The following ARHGAP29 variants were observed in gnomAD, a reference collection of about 807,000 sequenced individuals.
The protein encoded by ARHGAP29 is rho GTPase-activating protein 29.
A neutral mutation model predicts 122.6 loss-of-function variants in ARHGAP29; 43 were observed. The observed-to-expected ratio is 0.35, with a 90% CI of 0.27 to 0.45. The LOEUF (loss-of-function observed/expected upper bound fraction) is 0.45. ARHGAP29 is among the 20% of genes least tolerant of loss of function. The pLI, the probability that ARHGAP29 is intolerant of heterozygous loss-of-function variation, is 1.00. For missense variants in ARHGAP29, 1,303 were observed against 1,477.2 expected, an observed-to-expected ratio of 0.88 and a Z score of 1.93; for synonymous variants, 506 against 497.1, an observed-to-expected ratio of 1.02 and a Z score of -0.24.
Position 94,185,064 on chromosome 1 carries a change from C to A in ARHGAP29, c.1921-4G>T. On this transcript the variant is annotated splice_region_variant and splice_polypyrimidine_tract_variant and intron_variant, in intron 17 of 22. Transcript: ENST00000260526. ...TTCGATGACAAACAAGGAGACACTA[C>A]AAGAAAATGATAGTTTGAAACTGGT... The A allele has an allele frequency of 6.2e-7, 1 of 1,604,320 alleles. No individual in the cohort carries two copies. Among genetic ancestry groups the A allele is most frequent in the South Asian group, 1.1e-5 (1 of 89,246 alleles).
chr1:94,300,099 A>C, the ARHGAP29 span, among the ~76,000 whole-genome samples: 1 of 152,206 alleles, frequency 6.6e-6, no homozygotes, highest in Non-Finnish European at 1.5e-5. Context: ...GAGCTGTCTG[A>C]AGGCGGGCCC....
At chr1:94,215,507 A>T (rs1217268230) in intron 3 of ARHGAP29, among the ~76,000 whole-genome samples, 6 of 152,124 alleles carry the variant, frequency 3.9e-5, no homozygotes, top group Non-Finnish European at 8.8e-5. Context: ...AAGGTCCATA[A>T]ATAGATATAT....
intron 5 of ARHGAP29, among the ~76,000 whole-genome samples, chr1:94,206,641 A>C (rs193215231): frequency 6.6e-6 from 1 of 152,254 alleles, no homozygotes; most frequent in East Asian, 1.9e-4. Flanking sequence ...TGATACCTGT[A>C]ATCACAGAAC....
chr1:94,278,796 T>C (rs1486821304), upstream of ARHGAP29, among the ~76,000 whole-genome samples: 1 of 152,220 alleles, frequency 6.6e-6, no homozygotes, highest in East Asian at 1.9e-4. Context: ...AATTACTAAG[T>C]ATGCATGCCA....
chr1:94,203,441 T>C (rs1570532191), intron 8 of ARHGAP29, among the ~76,000 whole-genome samples: 2 of 152,242 alleles, frequency 1.3e-5, no homozygotes, highest in South Asian at 4.1e-4. Context: ...TTGTATAAAA[T>C]TGTAAATTTC....
upstream of ARHGAP29, among the ~76,000 whole-genome samples, chr1:94,241,654 CTT>C (rs1491199980): frequency 6.3e-5 from 8 of 127,560 alleles, no homozygotes; most frequent in South Asian, 7.5e-4. Flanking sequence ...ATATATATAT[CTT>C]ATATATATAA....
chr1:94,267,169 C>T (rs941921778), intron 1 of ARHGAP29, among the ~76,000 whole-genome samples: 1 of 152,178 alleles, frequency 6.6e-6, no homozygotes, highest in Non-Finnish European at 1.5e-5. Context: ...AAAGGAGTCT[C>T]AAAGTACTAT....
chr1:94,292,720 G>T, the ARHGAP29 span, among the ~76,000 whole-genome samples: 108 of 152,326 alleles, frequency 7.1e-4, no homozygotes, highest in Middle Eastern at 6.8e-3. Context: ...CCCCTCAGCT[G>T]CAGGTCTCTT....
At chr1:94,305,483 T>C in the ARHGAP29 span, among the ~76,000 whole-genome samples, 1 of 152,168 alleles carries the variant, frequency 6.6e-6, no homozygotes, top group Non-Finnish European at 1.5e-5. Context: ...GACCAGAACT[T>C]GAAGGAATTC....
the ARHGAP29 span, among the ~76,000 whole-genome samples, chr1:94,295,716 C>CTCCACACAACGTGGAATCTTCTAAT: frequency 1.1e-5 from 1 of 88,006 alleles, no homozygotes. Flanking sequence ...GGAATTCTAA[C>CTCCACACAACGTGGAATCTTCTAAT]TCCACACAAT....
intron 12 of ARHGAP29, among the ~76,000 whole-genome samples, chr1:94,197,613 AAGT>A (rs1650556663): frequency 6.6e-6 from 1 of 152,162 alleles, no homozygotes; most frequent in Non-Finnish European, 1.5e-5. Context: ...ATACTCAACA[AAGT>A]AGCAAATTGA....
chr1:94,295,680 T>C, the ARHGAP29 span, among the ~76,000 whole-genome samples: 1 of 151,950 alleles, frequency 6.6e-6, no homozygotes, highest in Non-Finnish European at 1.5e-5. Flanking sequence ...GCAGGAAACA[T>C]GAAATACTTA....
the ARHGAP29 span, among the ~76,000 whole-genome samples, chr1:94,311,260 G>A: frequency 2.0e-5 from 3 of 152,132 alleles, no homozygotes; most frequent in Non-Finnish European, 4.4e-5. Flanking sequence ...AGCTATTAAT[G>A]TCTTTCCTTC....
chr1:94,305,846 A>G, the ARHGAP29 span, among the ~76,000 whole-genome samples: 1 of 152,212 alleles, frequency 6.6e-6, no homozygotes, highest in Non-Finnish European at 1.5e-5. Context: ...TCAAAGTTCA[A>G]GGAATAAGTT....
intron 13 of ARHGAP29, 121 bp downstream of exon 13, chr1:94,189,805 A>T: frequency 1.1e-6 from 1 of 906,972 alleles, no homozygotes; most frequent in Non-Finnish European, 1.7e-6. Flanking sequence ...AATAATATTT[A>T]AAGAACTCAG....
At chr1:94,302,947 C>T in the ARHGAP29 span, 6 of 176,496 alleles carry the variant, frequency 3.4e-5, no homozygotes, top group South Asian at 6.5e-4. Context: ...TTGTCAGGCT[C>T]GTTTCCGGGT....
chr1:94,296,886 A>C, the ARHGAP29 span, among the ~76,000 whole-genome samples: 1 of 152,240 alleles, frequency 6.6e-6, no homozygotes, highest in Non-Finnish European at 1.5e-5. Context: ...TAGGAACCAT[A>C]ACTTTGTTAT....
chr1:94,307,367 T>A, the ARHGAP29 span, among the ~76,000 whole-genome samples: 1 of 152,236 alleles, frequency 6.6e-6, no homozygotes, highest in African/African-American at 2.4e-5. Context: ...ATTCTAAATA[T>A]GTAACTTTGA....
intron 1 of ARHGAP29, among the ~76,000 whole-genome samples, chr1:94,263,499 A>C (rs1047474545): frequency 6.6e-6 from 1 of 152,232 alleles, no homozygotes; most frequent in East Asian, 1.9e-4. Flanking sequence ...GTACTCATGC[A>C]TAATTATGAA....
Sources: allele counts gnomAD v4.1 joint callset (sites outside exome capture counted in the v4.1 genomes callset), GRCh38; gene constraint gnomAD v4.1.1; transcripts MANE v1.5; gene names NCBI Gene and HGNC (gene_info 2026-07-23, HGNC 2026-07-21).